Variants in ZNF568 observed in about 807,000 individuals in gnomAD.
The protein encoded by ZNF568 is zinc finger protein 568.
In ZNF568, 11 loss-of-function variants were observed where a neutral mutation model predicts 18.1. That is an observed-to-expected ratio of 0.61 (90% CI 0.38 to 1.00). The LOEUF (loss-of-function observed/expected upper bound fraction) is 1.00, where lower values mean the gene tolerates loss of function less well. Among genes scored for constraint, ZNF568 ranks in the 50% least tolerant of loss-of-function variants. The pLI, the probability that ZNF568 is intolerant of heterozygous loss-of-function variation, is 0.01. For synonymous variants in ZNF568, 213 were observed against 246.6 expected (o/e 0.86, Z 1.28); for missense variants, 639 against 768.2 (o/e 0.83, Z 1.99).
At chr19:36,987,524 G>A (rs2074386177) in intron 2 of ZNF568, among the ~76,000 whole-genome samples, 2 of 152,198 alleles carry the variant, frequency 1.3e-5, no homozygotes, top group African/African-American at 2.4e-5. Flanking sequence ...ACCCTCTGTT[G>A]TAGAAATCTT....
At chr19:36,948,812 T>C (rs1207657222) in intron 6 of ZNF568, among the ~76,000 whole-genome samples, 2 of 152,130 alleles carry the variant, frequency 1.3e-5, no homozygotes, top group Non-Finnish European at 2.9e-5. Context: ...TCTAGTACAA[T>C]GTTAAAAAGC....
At chr19:36,963,971 G>A (rs969477512) in intron 6 of ZNF568, among the ~76,000 whole-genome samples, 2 of 123,432 alleles carry the variant, frequency 1.6e-5, no homozygotes, top group African/African-American at 6.0e-5. Flanking sequence ...GTCAAAAAAA[G>A]TAAGAAAGAA....
At chr19:36,985,214 A>G (rs1345425405) in intron 2 of ZNF568, among the ~76,000 whole-genome samples, 1 of 152,084 alleles carries the variant, frequency 6.6e-6, no homozygotes, top group Non-Finnish European at 1.5e-5. Flanking sequence ...GTATGATTTA[A>G]GTATGTTTTT....
Position 36,948,953 on chromosome 19 carries a change from T to C in ZNF568, c.359-559T>C, listed in dbSNP as rs537685915. Among the ~76,000 whole-genome samples, 11 of 152,312 alleles carry C rather than the reference T, an allele frequency of 7.2e-5. No homozygotes were observed. The East Asian group carries it at 2.1e-3, about 29-fold the overall frequency. Reference sequence around the variant, plus strand: ...TTTGTTGCTTATTGTCATTTGCATCTTCATGATACTTTGTAGCTTTGCTAT... The same window carrying C: ...TTTGTTGCTTATTGTCATTTGCATCCTCATGATACTTTGTAGCTTTGCTAT... On this transcript the variant is annotated intron_variant, in intron 6 of 6. Transcript: ENST00000333987.
At position 36,949,514 on chromosome 19, in the gene ZNF568, G is replaced by T; in HGVS notation, c.361G>T (p.Val121Phe). 6.4e-7 allele frequency: 1 copy of T among 1,558,142 alleles called. No homozygotes were observed. ...EEMFGRHCPEVWEVDEQIKKQ... is the reference protein window; with the variant it reads ...EEMFGRHCPEFWEVDEQIKKQ... ...TAATTTCTGGTCCTCCATTTTAGAA[G>T]TTTGGGAAGTTGATGAACAGATCAA... Residue 121 changes from valine to phenylalanine, a missense_variant and splice_region_variant, in exon 7 of 7, where the codon GTT becomes TTT. Physicochemically the swap from Val to Phe is conservative, Grantham distance 50. Coordinates refer to ENST00000333987, the MANE Select transcript of ZNF568 (RefSeq NM_198539.4).
downstream of ZNF568, among the ~76,000 whole-genome samples, chr19:36,983,403 TA>T (rs35325128): frequency 0.024 from 3,694 of 152,322 alleles, 161 homozygotes; most frequent in African/African-American, 0.084. Context: ...TGCCATTTAC[TA>T]CCCGCATCCT....
intron 4 of ZNF568, among the ~76,000 whole-genome samples, chr19:36,933,807 AAG>A (rs2073730004): frequency 6.6e-6 from 1 of 151,112 alleles, no homozygotes; most frequent in Non-Finnish European, 1.5e-5. Context: ...TTTGTTTTGG[AAG>A]AGTTTGTAAA....
At chr19:36,994,264 A>G (rs2074450500) in intron 4 of ZNF568, among the ~76,000 whole-genome samples, 1 of 152,132 alleles carries the variant, frequency 6.6e-6, no homozygotes, top group South Asian at 2.1e-4. Context: ...TTGTAGTTGC[A>G]AAACATATTT....
chr19:36,933,916 G>GTTT (rs1243440418), intron 4 of ZNF568, among the ~76,000 whole-genome samples: 3 of 20,722 alleles, frequency 1.4e-4, no homozygotes, highest in South Asian at 1.5e-3. Context: ...TTTTTGTTTT[G>GTTT]TTTTTTTGTT....
intron 7 of ZNF568, among the ~76,000 whole-genome samples, chr19:36,976,165 C>G (rs1439804601): frequency 6.6e-6 from 1 of 152,110 alleles, no homozygotes; most frequent in Non-Finnish European, 1.5e-5. Flanking sequence ...TCCGTGGTCC[C>G]ACTATCCAGA....
intron 2 of ZNF568, chr19:36,991,156 G>A (rs746688467): frequency 1.0e-4 from 157 of 1,521,496 alleles, no homozygotes; most frequent in Non-Finnish European, 1.3e-4. Flanking sequence ...CACAAATGGT[G>A]TATTTATTTT....
chr19:36,960,888 TG>T (rs1454999470), intron 6 of ZNF568, among the ~76,000 whole-genome samples: 1 of 152,132 alleles, frequency 6.6e-6, no homozygotes, highest in African/African-American at 2.4e-5. Flanking sequence ...CTAAGATACT[TG>T]ATAAGATTTC....
chr19:36,928,894 T>G (rs2073630522), intron 4 of ZNF568, among the ~76,000 whole-genome samples: 1 of 150,124 alleles, frequency 6.7e-6, no homozygotes, highest in African/African-American at 2.5e-5. Flanking sequence ...AGAGCCATCA[T>G]TATTAAATTA....
downstream of ZNF568, among the ~76,000 whole-genome samples, chr19:36,982,081 T>G (rs1018643068): frequency 1.3e-5 from 2 of 152,164 alleles, no homozygotes; most frequent in Non-Finnish European, 2.9e-5. Context: ...TCCAACTTGA[T>G]CATATCATTG....
At chr19:36,968,267 T>C (rs1568401143) in intron 6 of ZNF568, among the ~76,000 whole-genome samples, 1 of 152,076 alleles carries the variant, frequency 6.6e-6, no homozygotes, top group African/African-American at 2.4e-5. Flanking sequence ...AAATGTAACA[T>C]ATACCTTATA....
At chr19:36,920,172 G>T (rs912736119) in intron 2 of ZNF568, among the ~76,000 whole-genome samples, 16 of 151,674 alleles carry the variant, frequency 1.1e-4, no homozygotes, top group African/African-American at 3.9e-4. Context: ...AGGCTAATGG[G>T]TGTTTGTGTC....
At chr19:36,997,136 G>A in exon 5 of ZNF568, 1 of 1,576,252 alleles carries the variant, frequency 6.3e-7, no homozygotes, top group East Asian at 2.3e-5. Flanking sequence ...TATGAATGCA[G>A]GGAGTGTGGA....
chr19:36,958,616 C>CTTTTTTTTTTTTTT (rs35494587), intron 6 of ZNF568, among the ~76,000 whole-genome samples: 27 of 99,126 alleles, frequency 2.7e-4, no homozygotes, highest in African/African-American at 3.6e-4. Context: ...CTTTTTCTTT[C>CTTTTTTTTTTTTTT]TTTTTTTTTT....
downstream of ZNF568, among the ~76,000 whole-genome samples, chr19:36,953,912 A>G (rs2074088143): frequency 6.6e-6 from 1 of 151,888 alleles, no homozygotes; most frequent in Non-Finnish European, 1.5e-5. Flanking sequence ...CCCTTTCTCA[A>G]AAAAATAAAA....
Sources: allele counts gnomAD v4.1 joint callset (sites outside exome capture counted in the v4.1 genomes callset), GRCh38; gene constraint gnomAD v4.1.1; transcripts MANE v1.5; gene names NCBI Gene and HGNC (gene_info 2026-07-23, HGNC 2026-07-21).